The following TENM3 variants were observed in gnomAD, a reference collection of about 807,000 sequenced individuals.
TENM3 encodes teneurin transmembrane protein 3.
A neutral mutation model predicts 255.1 loss-of-function variants in TENM3; 63 were observed. The observed-to-expected ratio is 0.25, with a 90% confidence interval of 0.20 to 0.30. The LOEUF (loss-of-function observed/expected upper bound fraction) is 0.30. Ranked by LOEUF, TENM3 falls within the 10% of genes least tolerant of loss-of-function variation. TENM3 has a pLI of 1.00. For missense variants in TENM3, 2,929 were observed against 3,461.1 expected (o/e 0.85, Z 3.86); for synonymous variants, 1,306 against 1,322.3 (o/e 0.99, Z 0.27).
At chr4:182,696,800 T>C (rs1757459737) in intron 12 of TENM3, among the ~76,000 whole-genome samples, 1 of 152,220 alleles carries the variant, frequency 6.6e-6, no homozygotes, top group Non-Finnish European at 1.5e-5. Context: ...TTGTTGCGGT[T>C]TTTCTCATTC....
At chr4:182,482,552 T>C (rs1422228010) in intron 3 of TENM3, among the ~76,000 whole-genome samples, 4 of 152,234 alleles carry the variant, frequency 2.6e-5, no homozygotes, top group African/African-American at 9.6e-5. Flanking sequence ...CACTGCACTG[T>C]AGGTTAGAAT....
chr4:182,367,193 G>A (rs1390949492), intron 3 of TENM3, among the ~76,000 whole-genome samples: 1 of 152,152 alleles, frequency 6.6e-6, no homozygotes, highest in East Asian at 1.9e-4. Context: ...TAGCAGGACA[G>A]CAGTACGTAC....
At chr4:182,078,246 G>A in the TENM3 span, among the ~76,000 whole-genome samples, 4 of 152,034 alleles carry the variant, frequency 2.6e-5, no homozygotes, top group Admixed American at 1.3e-4. Flanking sequence ...CGAAACAGCC[G>A]GGTGCAGTGG....
chr4:182,580,434 T>C (rs1745379700), intron 3 of TENM3, among the ~76,000 whole-genome samples: 1 of 152,200 alleles, frequency 6.6e-6, no homozygotes, highest in African/African-American at 2.4e-5. Context: ...ATTTTTCTTC[T>C]TCTTTTATTG....
the TENM3 span, among the ~76,000 whole-genome samples, chr4:181,461,682 G>T: frequency 6.6e-6 from 1 of 152,006 alleles, no homozygotes; most frequent in African/African-American, 2.4e-5. Flanking sequence ...TTCAGATATT[G>T]TATTTTTTAT....
chr4:182,359,483 C>T (rs1209181396), intron 3 of TENM3, among the ~76,000 whole-genome samples: 1 of 150,838 alleles, frequency 6.6e-6, no homozygotes, highest in Non-Finnish European at 1.5e-5. Context: ...TCCATTTTTT[C>T]TAGATTTTCT....
the TENM3 span, among the ~76,000 whole-genome samples, chr4:181,725,511 G>A: frequency 1.7e-4 from 25 of 149,594 alleles, no homozygotes; most frequent in South Asian, 4.6e-3. Flanking sequence ...CTGGAGTGCA[G>A]TAGTGCAAGC....
At chr4:181,904,368 A>G in the TENM3 span, among the ~76,000 whole-genome samples, 1 of 152,144 alleles carries the variant, frequency 6.6e-6, no homozygotes, top group Non-Finnish European at 1.5e-5. Context: ...TATTCTAAGG[A>G]TAAACACTTG....
the TENM3 span, among the ~76,000 whole-genome samples, chr4:181,727,548 C>G: frequency 1.3e-5 from 2 of 152,176 alleles, no homozygotes; most frequent in African/African-American, 4.8e-5. Context: ...TAATGTAATA[C>G]TATCTCATTC....
chr4:182,015,269 T>G, the TENM3 span, among the ~76,000 whole-genome samples: 1 of 152,178 alleles, frequency 6.6e-6, no homozygotes, highest in Non-Finnish European at 1.5e-5. Context: ...GCCGTTTAGT[T>G]GTCAACAATA....
chr4:182,664,103 GC>G, intron 6 of TENM3, among the ~76,000 whole-genome samples: 2 of 152,128 alleles, frequency 1.3e-5, no homozygotes, highest in South Asian at 4.2e-4. Context: ...ATTTTATTAC[GC>G]TTTATCATGC....
At chr4:181,805,608 T>C in the TENM3 span, among the ~76,000 whole-genome samples, 95 of 151,642 alleles carry the variant, frequency 6.3e-4, 1 homozygote, top group African/African-American at 2.1e-3. Flanking sequence ...TGTGTGTGTG[T>C]GTGTGGTGTG....
chr4:181,647,868 A>G, the TENM3 span, among the ~76,000 whole-genome samples: 1 of 152,192 alleles, frequency 6.6e-6, no homozygotes, highest in Non-Finnish European at 1.5e-5. Context: ...CTCTGAACAC[A>G]GTGTCTGTAA....
chr4:182,088,621 T>A, the TENM3 span, among the ~76,000 whole-genome samples: 2 of 152,022 alleles, frequency 1.3e-5, no homozygotes, highest in African/African-American at 4.8e-5. Flanking sequence ...GATCACGAGG[T>A]CAGGAGATCA....
At chr4:181,802,081 C>T in the TENM3 span, among the ~76,000 whole-genome samples, 5 of 152,052 alleles carry the variant, frequency 3.3e-5, no homozygotes, top group African/African-American at 4.8e-5. Flanking sequence ...CCAGGATGGC[C>T]GGTTCTTGCT....
the TENM3 span, among the ~76,000 whole-genome samples, chr4:182,119,717 T>A: frequency 3.3e-5 from 5 of 152,086 alleles, no homozygotes; most frequent in Non-Finnish European, 7.4e-5. Flanking sequence ...ACACAGTTTA[T>A]TTCATTTTAG....
the TENM3 span, among the ~76,000 whole-genome samples, chr4:181,981,232 A>G: frequency 6.6e-6 from 1 of 152,134 alleles, no homozygotes; most frequent in South Asian, 2.1e-4. Context: ...GTCTCTACCT[A>G]CAATTTACTC....
At chr4:181,973,513 G>A in the TENM3 span, among the ~76,000 whole-genome samples, 1 of 152,152 alleles carries the variant, frequency 6.6e-6, no homozygotes, top group Non-Finnish European at 1.5e-5. Flanking sequence ...GCTTGAGGCT[G>A]GGAGTTTGAG....
intron 4 of TENM3, among the ~76,000 whole-genome samples, chr4:182,623,827 C>A (rs1186114172): frequency 1.3e-5 from 2 of 151,980 alleles, no homozygotes; most frequent in East Asian, 3.9e-4. Flanking sequence ...CGCCTTCGTT[C>A]CTATCCGCGA....
Sources: gnomAD v4.1 joint callset for allele counts (sites outside exome capture counted in the v4.1 genomes callset) on GRCh38, gnomAD v4.1.1 for gene constraint, MANE v1.5 for transcripts, NCBI Gene and HGNC (gene_info 2026-07-23, HGNC 2026-07-21) for gene names.